ANO2: variants seen among roughly 807,000 people sequenced by gnomAD.
ANO2 encodes the protein anoctamin 2.
In ANO2, 101 loss-of-function variants were observed where a neutral mutation model predicts 124.2. That is an observed-to-expected ratio of 0.81 (90% confidence interval 0.69 to 0.96). The LOEUF (loss-of-function observed/expected upper bound fraction) is 0.96, where lower values mean the gene tolerates loss of function less well. ANO2 is among the 40% of genes least tolerant of loss of function. ANO2 has a pLI of 0.00. For missense variants in ANO2, 1,293 were observed against 1,274.5 expected (o/e 1.01, Z -0.22); for synonymous variants, 486 against 482.5 (o/e 1.01, Z -0.09).
intron 3 of ANO2, among the ~76,000 whole-genome samples, chr12:5,918,562 C>T (rs1941514180): frequency 6.6e-6 from 1 of 152,022 alleles, no homozygotes; most frequent in African/African-American, 2.4e-5. Context: ...GCCTCAGCCT[C>T]CCAAGTAGCT....
chr12:5,746,942 A>T (rs1253299411), intron 11 of ANO2, among the ~76,000 whole-genome samples: 2 of 152,250 alleles, frequency 1.3e-5, no homozygotes, highest in Admixed American at 6.5e-5. Context: ...GAGACAGGGA[A>T]GTTCTATAGA....
At chr12:5,792,454 G>A (rs1272040682) in intron 10 of ANO2, among the ~76,000 whole-genome samples, 1 of 152,196 alleles carries the variant, frequency 6.6e-6, no homozygotes, top group Non-Finnish European at 1.5e-5. Flanking sequence ...TTCTTTAGGT[G>A]TGATGACCTA....
intron 14 of ANO2, among the ~76,000 whole-genome samples, chr12:5,720,656 G>T (rs1000351381): frequency 1.3e-5 from 2 of 152,146 alleles, no homozygotes; most frequent in African/African-American, 4.8e-5. Context: ...TTTCCCAGAA[G>T]CCATGAGGGT....
At chr12:5,827,857 T>G (rs187957025) in intron 6 of ANO2, 37 bp from the exon 7 acceptor site, 7 of 1,591,196 alleles carry the variant, frequency 4.4e-6, no homozygotes, top group Non-Finnish European at 6.0e-6. Context: ...GAGCTCCTAG[T>G]TCCCCCCCGC....
chr12:5,666,350 G>A (rs1294145996), intron 14 of ANO2, among the ~76,000 whole-genome samples: 2 of 152,138 alleles, frequency 1.3e-5, no homozygotes, highest in Non-Finnish European at 2.9e-5. Flanking sequence ...AAGACAGAAG[G>A]GAAGGAACGA....
intron 3 of ANO2, among the ~76,000 whole-genome samples, chr12:5,906,645 A>G (rs1214963072): frequency 6.6e-5 from 10 of 152,184 alleles, no homozygotes; most frequent in African/African-American, 1.9e-4. Flanking sequence ...AAATACAAAA[A>G]TTAGCTGGGC....
chr12:5,764,636 G>C (rs763679830), intron 10 of ANO2, among the ~76,000 whole-genome samples: 19 of 152,170 alleles, frequency 1.2e-4, no homozygotes, highest in Non-Finnish European at 2.6e-4. Context: ...AATTGGACAG[G>C]ACTACATATG....
At chr12:5,844,562 C>T (rs887534732) in intron 4 of ANO2, among the ~76,000 whole-genome samples, 20 of 152,208 alleles carry the variant, frequency 1.3e-4, no homozygotes, top group Non-Finnish European at 2.6e-4. Context: ...ATGTAGACCA[C>T]AGCATTTTAA....
intron 3 of ANO2, among the ~76,000 whole-genome samples, chr12:5,875,851 G>A (rs1488268301): frequency 6.6e-6 from 1 of 151,808 alleles, no homozygotes; most frequent in Non-Finnish European, 1.5e-5. Context: ...GCCCCTCTAT[G>A]ACTGGTTCAT....
intron 14 of ANO2, among the ~76,000 whole-genome samples, chr12:5,678,963 C>T (rs1263519449): frequency 6.6e-6 from 1 of 152,186 alleles, no homozygotes. Flanking sequence ...GTGGGTATAG[C>T]TCACATCAAT....
chr12:5,734,221 C>T (rs1274693993), intron 13 of ANO2, among the ~76,000 whole-genome samples: 3 of 152,232 alleles, frequency 2.0e-5, no homozygotes, highest in Non-Finnish European at 4.4e-5. Flanking sequence ...AAGAAGCTTG[C>T]TTAATTTTCC....
chr12:5,878,634 T>C (rs1938272793), intron 3 of ANO2, among the ~76,000 whole-genome samples: 1 of 151,940 alleles, frequency 6.6e-6, no homozygotes, highest in South Asian at 2.1e-4. Flanking sequence ...GACAAACAAA[T>C]AACATAGTAC....
chr12:5,890,045 A>ATT (rs111396649), intron 3 of ANO2, among the ~76,000 whole-genome samples: 13 of 144,290 alleles, frequency 9.0e-5, no homozygotes, highest in African/African-American at 3.0e-4. Flanking sequence ...TTAAAATTCC[A>ATT]TTTTTTTTTT....
chr12:5,640,644 T>C (rs945697875), intron 15 of ANO2, among the ~76,000 whole-genome samples: 2 of 152,192 alleles, frequency 1.3e-5, no homozygotes, highest in African/African-American at 2.4e-5. Context: ...TCACTGGTCA[T>C]CAGAGAAATG....
At chr12:5,701,510 T>G (rs1237383309) in intron 14 of ANO2, among the ~76,000 whole-genome samples, 1 of 152,164 alleles carries the variant, frequency 6.6e-6, no homozygotes, top group Non-Finnish European at 1.5e-5. Context: ...GTCCCCTCCT[T>G]CATTCAAGTC....
At chr12:5,936,677 G>A (rs1452267325) in intron 1 of ANO2, among the ~76,000 whole-genome samples, 1 of 152,216 alleles carries the variant, frequency 6.6e-6, no homozygotes, top group Non-Finnish European at 1.5e-5. Flanking sequence ...AATGCTTATG[G>A]TTTTGGTGTA....
At position 5,860,051 on chromosome 12, in the gene ANO2, C is replaced by T. The variant is rs971053864; in HGVS notation, c.535-5910G>A. On this transcript the variant is annotated intron_variant, in intron 3 of 24. Transcript: ENST00000682330. ...GATAATTTGCACATGGTCTAAGGTA[C>T]CAGCCCCTCTCACCCTCCTCCCCAG... 1.1e-4 allele frequency among the ~76,000 whole-genome samples: 16 copies of T among 152,082 alleles called. No homozygotes were observed. In the East Asian group the frequency reaches 3.1e-3, roughly 29 times the overall value.
chr12:5,843,068 A>T (rs61908363), intron 4 of ANO2, among the ~76,000 whole-genome samples: 23,542 of 152,216 alleles, frequency 0.15, 2,391 homozygotes, highest in Non-Finnish European at 0.21. Context: ...GTTAGAGAAC[A>T]GGTAATGACA....
At chr12:5,584,140 C>CT (rs948324665) in intron 20 of ANO2, 3 of 115,904 alleles carry the variant, frequency 2.6e-5, no homozygotes, top group African/African-American at 1.2e-4. Flanking sequence ...CACCCCCCCC[C>CT]CGCCGCAAGA....
Sources: allele counts gnomAD v4.1 joint callset (sites outside exome capture counted in the v4.1 genomes callset), GRCh38; gene constraint gnomAD v4.1.1; transcripts MANE v1.5; gene names NCBI Gene and HGNC (gene_info 2026-07-23, HGNC 2026-07-21).